Variants in NEBL observed in about 807,000 individuals in gnomAD.
The protein encoded by NEBL is nebulette.
NEBL carries 122 observed loss-of-function variants against 140.2 expected under a neutral mutation model. The observed-to-expected ratio is 0.87, with a 90% CI of 0.75 to 1.01. The LOEUF is 1.01. NEBL is among the 50% of genes least tolerant of loss of function. The pLI is 0.00. For synonymous variants in NEBL, 436 were observed against 398.9 expected, an observed-to-expected ratio of 1.09 and a Z score of -1.11; for missense variants, 1,365 against 1,231.3, an observed-to-expected ratio of 1.11 and a Z score of -1.62.
chr10:21,090,418 T>C (rs1039703486), intron 2 of NEBL, among the ~76,000 whole-genome samples: 2 of 152,172 alleles, frequency 1.3e-5, no homozygotes, highest in East Asian at 3.8e-4. Context: ...ATTTACATTG[T>C]ATTAGGTATT....
intron 26 of NEBL, among the ~76,000 whole-genome samples, chr10:20,799,204 G>A (rs939778614): frequency 6.6e-6 from 1 of 152,182 alleles, no homozygotes; most frequent in Non-Finnish European, 1.5e-5. Context: ...CACCCAGGCT[G>A]GAGTGCAGTG....
At chr10:20,796,041 A>G (rs1836481963) in intron 26 of NEBL, among the ~76,000 whole-genome samples, 1 of 152,158 alleles carries the variant, frequency 6.6e-6, no homozygotes, top group African/African-American at 2.4e-5. Flanking sequence ...TCAGCACTTC[A>G]TTGATATATT....
At chr10:20,873,408 T>C (rs949997507) in intron 5 of NEBL, among the ~76,000 whole-genome samples, 3 of 151,996 alleles carry the variant, frequency 2.0e-5, no homozygotes, top group Non-Finnish European at 4.4e-5. Context: ...TTTTACATTA[T>C]TTTCCTTAAT....
At chr10:21,091,843 G>A (rs2131965986) in intron 2 of NEBL, among the ~76,000 whole-genome samples, 1 of 152,052 alleles carries the variant, frequency 6.6e-6, no homozygotes, top group East Asian at 1.9e-4. Flanking sequence ...TCTTACCCTG[G>A]CTGATCTTGA....
intron 13 of NEBL, among the ~76,000 whole-genome samples, chr10:20,837,086 G>T (rs1840973984): frequency 6.6e-6 from 1 of 152,116 alleles, no homozygotes; most frequent in Admixed American, 6.5e-5. Context: ...ATGGCCCCTA[G>T]ATGGTCAAGT....
intron 3 of NEBL, among the ~76,000 whole-genome samples, chr10:21,245,902 A>G (rs1044935234): frequency 2.6e-5 from 4 of 152,082 alleles, no homozygotes; most frequent in Non-Finnish European, 5.9e-5. Context: ...TCACTGTGTG[A>G]GCCAGGATGG....
chr10:20,986,485 A>T (rs1443484537), intron 3 of NEBL, among the ~76,000 whole-genome samples: 1 of 152,196 alleles, frequency 6.6e-6, no homozygotes, highest in East Asian at 1.9e-4. Flanking sequence ...AACCCAGCTA[A>T]TTATTGCTCA....
intron 4 of NEBL, among the ~76,000 whole-genome samples, chr10:20,943,904 C>T (rs1835026357): frequency 6.6e-6 from 1 of 152,174 alleles, no homozygotes; most frequent in Non-Finnish European, 1.5e-5. Context: ...GGACCCAGGG[C>T]CATCTCTTGG....
intron 4 of NEBL, among the ~76,000 whole-genome samples, chr10:20,903,457 A>G (rs1340592553): frequency 1.3e-5 from 2 of 152,186 alleles, no homozygotes; most frequent in East Asian, 3.9e-4. Flanking sequence ...GACAATATGA[A>G]GCTTTTTTAA....
At chr10:21,210,827 C>T (rs1304104703) in intron 3 of NEBL, among the ~76,000 whole-genome samples, 3 of 152,192 alleles carry the variant, frequency 2.0e-5, no homozygotes, top group Non-Finnish European at 4.4e-5. Flanking sequence ...TATCTTCCAA[C>T]TCAATAATGC....
chr10:21,067,841 C>T (rs1835637390), intron 2 of NEBL, among the ~76,000 whole-genome samples: 1 of 151,928 alleles, frequency 6.6e-6, no homozygotes, highest in Non-Finnish European at 1.5e-5. Context: ...ATCAGCTGGG[C>T]ATGGTGGCGA....
chr10:21,199,368 C>A (rs970363046), intron 3 of NEBL, among the ~76,000 whole-genome samples: 23 of 152,208 alleles, frequency 1.5e-4, no homozygotes, highest in Non-Finnish European at 3.2e-4. Context: ...CATTATGTTT[C>A]TTTGGACTCT....
chr10:21,148,994 G>A (rs1480891186), intron 2 of NEBL, among the ~76,000 whole-genome samples: 1 of 152,192 alleles, frequency 6.6e-6, no homozygotes, highest in Non-Finnish European at 1.5e-5. Context: ...ATACCCAGGA[G>A]GAAGGAATCC....
chr10:21,053,705 G>A (rs1008797410), intron 2 of NEBL, among the ~76,000 whole-genome samples: 7 of 152,024 alleles, frequency 4.6e-5, no homozygotes, highest in African/African-American at 9.7e-5. Flanking sequence ...CAACATGAAG[G>A]GTCGCGTGTG....
At chr10:21,098,038 TAAC>T (rs1324271042) in intron 2 of NEBL, among the ~76,000 whole-genome samples, 1 of 152,196 alleles carries the variant, frequency 6.6e-6, no homozygotes, top group Non-Finnish European at 1.5e-5. Context: ...TAAGTGCTGA[TAAC>T]AACAATTATC....
intron 2 of NEBL, among the ~76,000 whole-genome samples, chr10:21,046,483 T>C (rs927507221): frequency 6.6e-6 from 1 of 152,264 alleles, no homozygotes; most frequent in African/African-American, 2.4e-5. Context: ...TAACTTTTGC[T>C]TCTCTATTCT....
rs151012132 is a variant in NEBL, at chr10:20,808,627, G to A, written c.2644C>T (p.Arg882Ter). The change falls in exon 26 of 28, where the codon CGA (arginine) becomes TGA (stop). Residue 882 changes from arginine (R) to a stop codon, truncating the protein, a stop_gained. Coordinates refer to ENST00000377122, the MANE Select transcript of NEBL (RefSeq NM_006393.3). LOFTEE classifies it high-confidence loss of function. ...CCGAAAGTACTGCTGGAATGGGATCGAGACCAGTGTCGCCTATAGTGACTC... is the reference window on the plus strand; with the variant it reads ...CCGAAAGTACTGCTGGAATGGGATCAAGACCAGTGTCGCCTATAGTGACTC... The part of the protein sequence containing the change: ...KASHYRRHWS[R>*]SHSSSTFGTG... 1.5e-5 allele frequency: 25 copies of A among 1,613,356 alleles called. No homozygotes were observed. Among genetic ancestry groups the A allele is most frequent in the East Asian group, 8.9e-5 (4 of 44,848 alleles).
Position 20,835,515 on chromosome 10 carries a change from C to T in NEBL, c.1447G>A (p.Glu483Lys), listed in dbSNP as rs755141650. Residue 483 changes from glutamate (E) to lysine (K), a missense_variant and splice_region_variant, in exon 14 of 28, where the codon GAG becomes AAG. Glu to Lys is a moderately conservative substitution (Grantham distance 56). Around this residue, in one of 2 missense-constraint regions of NEBL, gnomAD observed 1,323 missense variants for 1,154.8 expected, o/e 1.15. Coordinates refer to ENST00000377122, the MANE Select transcript of NEBL (RefSeq NM_006393.3). ...CCTGCATCACGCACCCTACTAACCT[C>T]ACTCGCTATCTCTGCAGCCTTCTTG... Reference protein sequence around the residue: ...HAKKAAEIASEKDYKRDLETE... With the variant: ...HAKKAAEIASKKDYKRDLETE... The T allele has an allele frequency of 5.6e-6, 9 of 1,607,894 alleles. No homozygotes were observed. The highest frequency in any genetic ancestry group is 7.7e-6 in the Non-Finnish European group (9 of 1,176,214).
chr10:20,860,048 C>G (rs1843516101), intron 7 of NEBL, among the ~76,000 whole-genome samples: 1 of 152,072 alleles, frequency 6.6e-6, no homozygotes, highest in Admixed American at 6.6e-5. Flanking sequence ...GGCATGAACT[C>G]AAATCCTATT....
Sources: gnomAD v4.1 joint callset for allele counts (sites outside exome capture counted in the v4.1 genomes callset) on GRCh38, gnomAD v4.1.1 for gene constraint, gnomAD v4.1.1 regional missense constraint, MANE v1.5 for transcripts, NCBI Gene and HGNC (gene_info 2026-07-23, HGNC 2026-07-21) for gene names.